CASZ1: variants seen among roughly 807,000 people sequenced by gnomAD.
CASZ1 encodes the protein zinc finger protein castor homolog 1.
CASZ1 carries 28 observed loss-of-function variants against 135.2 expected under a neutral mutation model. The observed-to-expected ratio is 0.21, with a 90% CI of 0.15 to 0.28. The LOEUF is 0.28. Ranked by LOEUF, CASZ1 falls within the 10% of genes least tolerant of loss-of-function variation. The pLI is 1.00. For missense variants in CASZ1, 2,161 were observed against 2,453.3 expected, an observed-to-expected ratio of 0.88 and a Z score of 2.52; for synonymous variants, 1,068 against 1,073.4, an observed-to-expected ratio of 0.99 and a Z score of 0.10.
intron 1 of CASZ1, among the ~76,000 whole-genome samples, chr1:10,780,437 C>T (rs1378653163): frequency 6.6e-6 from 1 of 152,222 alleles, no homozygotes; most frequent in Non-Finnish European, 1.5e-5. Flanking sequence ...GAGCCAAAAC[C>T]AGGTTTCCAT....
Position 10,777,927 on chromosome 1 carries a change from C to T in CASZ1, c.-233-17070G>A, listed in dbSNP as rs1640690143. ...CTCACACACAGGCACACACAGTCTT[C>T]CACACCATTTCACACTATGTCACAA... On this transcript the variant is annotated intron_variant, in intron 1 of 20. Coordinates refer to ENST00000377022, the MANE Select transcript of CASZ1 (RefSeq NM_001079843.3). This position sits in a 1 kb window ranked among gnomAD's most constrained non-coding sequence, Gnocchi z 4.4. Among the ~76,000 whole-genome samples the T allele has an allele frequency of 6.6e-6, 1 of 151,522 alleles. No homozygotes were observed. Among genetic ancestry groups the T allele is most frequent in the South Asian group, 2.1e-4 (1 of 4,782 alleles).
intron 2 of CASZ1, among the ~76,000 whole-genome samples, chr1:10,745,393 G>A (rs1640020415): frequency 8.3e-6 from 1 of 120,674 alleles, no homozygotes; most frequent in East Asian, 2.1e-4. Flanking sequence ...CAGTACCAGG[G>A]ACACGAACAC....
At chr1:10,766,227 C>CACAT (rs1302059750) in intron 1 of CASZ1, among the ~76,000 whole-genome samples, 1 of 152,000 alleles carries the variant, frequency 6.6e-6, no homozygotes, top group Admixed American at 6.5e-5. Flanking sequence ...CACACACACA[C>CACAT]ATATATGCCA....
At position 10,647,475 on chromosome 1, in the gene CASZ1, C is replaced by G. The variant is rs917797653; in HGVS notation, c.3497+326G>C. On this transcript the variant is annotated intron_variant, in intron 16 of 20. Coordinates refer to ENST00000377022, the MANE Select transcript of CASZ1 (RefSeq NM_001079843.3). This position sits in a 1 kb window ranked among gnomAD's most constrained non-coding sequence, Gnocchi z 4.9. ...GAGGCTCGGAGGGAGACGCAGCCCTCCTTGTCAGGCTGGGAGTTGTCCTCT... is the reference window on the plus strand; with the variant it reads ...GAGGCTCGGAGGGAGACGCAGCCCTGCTTGTCAGGCTGGGAGTTGTCCTCT... The G allele has an allele frequency of 1.6e-6, 2 of 1,244,940 alleles. No homozygotes were observed. The highest frequency in any genetic ancestry group is 2.0e-6 in the Non-Finnish European group (2 of 983,508). The allele number at this position is 1,244,940 out of a possible 1,614,324, so 77.1% of individuals were successfully genotyped here.
chr1:10,750,409 T>C (rs1486994338), intron 2 of CASZ1, among the ~76,000 whole-genome samples: 1 of 152,058 alleles, frequency 6.6e-6, no homozygotes, highest in African/African-American at 2.4e-5. Context: ...CCCTCCCAAA[T>C]AGGTAGGACT....
chr1:10,695,113 A>G (rs1487515360), intron 3 of CASZ1, among the ~76,000 whole-genome samples: 1 of 150,824 alleles, frequency 6.6e-6, no homozygotes, highest in Non-Finnish European at 1.5e-5. Context: ...GGGGTAGCAC[A>G]GGGATTTCGT....
chr1:10,779,278 A>AT (rs1570585919), intron 1 of CASZ1, among the ~76,000 whole-genome samples: 1 of 117,092 alleles, frequency 8.5e-6, no homozygotes, highest in East Asian at 4.3e-4. Flanking sequence ...ATAATTTTAT[A>AT]ATTTTTTTTT....
In CASZ1 at chr1:10,639,730, A is replaced by T; in HGVS notation, c.4492T>A (p.Ser1498Thr). The T allele has an allele frequency of 6.3e-7, 1 of 1,592,674 alleles. No individual in the cohort carries two copies. Among genetic ancestry groups the T allele is most frequent in the Non-Finnish European group, 8.5e-7 (1 of 1,170,504 alleles). ...CAGTCGGCGAAGTGGCAGCTGAGTG[A>T]GGCCTTGAAGCGCTTGAAGTCGTCC... ...VLDDFKRFKA[S>T]LSCHFADCPF... Residue 1498 changes from serine (S) to threonine (T), a missense_variant, in exon 21 of 21, where the codon TCA becomes ACA. Ser to Thr is a moderately conservative substitution (Grantham distance 58). This residue lies in a region of CASZ1 where 240 missense variants were observed against 321.4 expected (regional missense o/e 0.75). Coordinates refer to ENST00000377022, the MANE Select transcript of CASZ1 (RefSeq NM_001079843.3). The surrounding 1 kb of genome is among the most constrained non-coding windows in gnomAD (Gnocchi z 4.0).
chr1:10,718,627 A>C (rs934952137), intron 2 of CASZ1, among the ~76,000 whole-genome samples: 11 of 152,224 alleles, frequency 7.2e-5, no homozygotes, highest in Non-Finnish European at 1.3e-4. Flanking sequence ...GTGGGAAAGG[A>C]ACAGGCTGGG....
intron 2 of CASZ1, among the ~76,000 whole-genome samples, chr1:10,705,995 CT>C (rs921036274): frequency 5.3e-5 from 8 of 152,214 alleles, no homozygotes; most frequent in African/African-American, 1.9e-4. Context: ...CCCGGGGCCC[CT>C]GAACATAAAA....
chr1:10,671,227 A>G (rs983512432), intron 4 of CASZ1, among the ~76,000 whole-genome samples: 2 of 152,192 alleles, frequency 1.3e-5, no homozygotes, highest in Non-Finnish European at 2.9e-5. Flanking sequence ...CCCAGGTCAC[A>G]GCCAAACAGG....
intron 2 of CASZ1, among the ~76,000 whole-genome samples, chr1:10,734,936 T>TG (rs1421833634): frequency 5.9e-5 from 9 of 151,900 alleles, no homozygotes; most frequent in Non-Finnish European, 1.2e-4. Flanking sequence ...GAGAGAGAAG[T>TG]GGGGGGCCAC....
intron 2 of CASZ1, among the ~76,000 whole-genome samples, chr1:10,745,467 G>A (rs771033629): frequency 5.9e-5 from 9 of 152,214 alleles, no homozygotes; most frequent in Non-Finnish European, 8.8e-5. Context: ...AACAGCAAAA[G>A]GGGACTCAAG....
rs1047133232 is a variant in CASZ1 at position 10,719,083 on chromosome 1, T to C, written c.-76-13539A>G. Reference sequence around the variant, plus strand: ...ACTCGCCACCACACCTGGCTAATTTTTTTTTTACTTTTAGTGGAGGTGGGG... The same window carrying C: ...ACTCGCCACCACACCTGGCTAATTTCTTTTTTACTTTTAGTGGAGGTGGGG... On this transcript the variant is annotated intron_variant, in intron 2 of 20. Coordinates refer to ENST00000377022, the MANE Select transcript of CASZ1 (RefSeq NM_001079843.3). The surrounding 1 kb of genome is among the most constrained non-coding windows in gnomAD (Gnocchi z 4.0). Among the ~76,000 whole-genome samples, 2 of 152,160 alleles carry C rather than the reference T, an allele frequency of 1.3e-5. No homozygotes were observed. The highest frequency in any genetic ancestry group is 2.9e-5 in the Non-Finnish European group (2 of 68,026).
chr1:10,735,466 C>A lies in CASZ1; in HGVS notation c.-77+25235G>T, dbSNP rs1200585045. ...GGGCTGCCTCCCTCTGCTCCCGCTGCCACTTGCAGGCTCAGCCAGCTCCAC... is the reference window on the plus strand; with the variant it reads ...GGGCTGCCTCCCTCTGCTCCCGCTGACACTTGCAGGCTCAGCCAGCTCCAC... On this transcript the variant is annotated intron_variant, in intron 2 of 20. Coordinates refer to ENST00000377022, the MANE Select transcript of CASZ1 (RefSeq NM_001079843.3). This position sits in a 1 kb window ranked among gnomAD's most constrained non-coding sequence, Gnocchi z 5.1. 2.0e-5 allele frequency among the ~76,000 whole-genome samples: 3 copies of A among 152,108 alleles called. No homozygotes were observed. The highest frequency in any genetic ancestry group is 7.2e-5 in the African/African-American group (3 of 41,400).
chr1:10,641,654 C>G (rs1642205005), intron 20 of CASZ1, among the ~76,000 whole-genome samples: 1 of 152,232 alleles, frequency 6.6e-6, no homozygotes, highest in Admixed American at 6.5e-5. Context: ...CTCTATCTCT[C>G]CCTAGTGCCA....
chr1:10,648,210 CCA>C (rs1642437416), intron 15 of CASZ1, 71 bp from the exon 16 acceptor site: 1 of 1,109,116 alleles, frequency 9.0e-7, no homozygotes, highest in Non-Finnish European at 1.3e-6. Flanking sequence ...GCATGTGACC[CCA>C]TCACAGGCCT....
chr1:10,648,216 C>T, intron 15 of CASZ1, 77 bp from the exon 16 acceptor site: 7 of 1,050,692 alleles, frequency 6.7e-6, no homozygotes, highest in Non-Finnish European at 9.5e-6. Context: ...GACCCCATCA[C>T]AGGCCTAGAC....
rs372631463 is a variant in CASZ1 at position 10,724,221 on chromosome 1, G to A, written c.-76-18677C>T. Among the ~76,000 whole-genome samples the A allele has an allele frequency of 1.1e-4, 16 of 152,206 alleles. No individual in the cohort carries two copies. The highest frequency in any genetic ancestry group is 3.9e-4 in the East Asian group (2 of 5,166). ...GAGCAAAGGCCACGTGGTCAGAGCC[G>A]GGCTATAAATAGCCAGCAAATCATT... On this transcript the variant is annotated intron_variant, in intron 2 of 20. Coordinates refer to ENST00000377022, the MANE Select transcript of CASZ1 (RefSeq NM_001079843.3). This position sits in a 1 kb window ranked among gnomAD's most constrained non-coding sequence, Gnocchi z 4.1.
Sources: gnomAD v4.1 joint callset for allele counts (sites outside exome capture counted in the v4.1 genomes callset) on GRCh38, gnomAD v4.1.1 for gene constraint, gnomAD v4.1.1 regional missense constraint, Gnocchi (gnomAD v3.1) non-coding constraint, MANE v1.5 for transcripts, NCBI Gene and HGNC (gene_info 2026-07-23, HGNC 2026-07-21) for gene names.